The following SKOR2 variants were observed in gnomAD, a reference collection of about 807,000 sequenced individuals.
The protein encoded by SKOR2 is LBX1 corepressor 1-like protein.
Under a neutral mutation model 69.1 loss-of-function variants are expected in SKOR2, and 47 were observed. That is an observed-to-expected ratio of 0.68 (90% confidence interval 0.54 to 0.87). SKOR2 has a LOEUF of 0.87. SKOR2 is among the 40% of genes least tolerant of loss of function. The pLI, the probability that SKOR2 is intolerant of heterozygous loss-of-function variation, is 0.00. For missense variants in SKOR2, 1,404 were observed against 1,472.2 expected (o/e 0.95, Z 0.76); for synonymous variants, 717 against 672.6 (o/e 1.07, Z -1.02).
Position 47,235,805 on chromosome 18 carries a change from C to G in SKOR2, c.2753-4805G>C, listed in dbSNP as rs539199307. ...CAAAAAAAAAAAAAAAAAAAAACAG[C>G]CAACAGATTCAATAGCACTAGCTTT... On this transcript the variant is annotated intron_variant, in intron 4 of 8. Coordinates refer to ENST00000425639, the MANE Select transcript of SKOR2 (RefSeq NM_001278063.4). 4.5e-3 allele frequency among the ~76,000 whole-genome samples: 624 copies of G among 138,466 alleles called. 6 individuals are homozygous for G. Among genetic ancestry groups the G allele is most frequent in the African/African-American group, 0.017 (596 of 35,852 alleles). The allele number at this position is 138,466 out of a possible 152,430, so 90.8% of individuals were successfully genotyped here.
chr18:47,238,710 T>G (rs561227598), intron 4 of SKOR2, among the ~76,000 whole-genome samples: 25 of 152,336 alleles, frequency 1.6e-4, no homozygotes, highest in African/African-American at 5.8e-4. Flanking sequence ...AGAAAGGTAT[T>G]ATAATTTCGG....
chr18:47,234,864 G>GAAAAAAAAAAAAAAA (rs769601681), intron 4 of SKOR2, among the ~76,000 whole-genome samples: 1 of 109,090 alleles, frequency 9.2e-6, no homozygotes. Flanking sequence ...CCATCTCAGG[G>GAAAAAAAAAAAAAAA]AAAAAAAAAA....
intron 7 of SKOR2, among the ~76,000 whole-genome samples, chr18:47,216,312 A>C (rs2064143772): frequency 6.6e-6 from 1 of 152,212 alleles, no homozygotes; most frequent in South Asian, 2.1e-4. Flanking sequence ...CAAATGCTAT[A>C]AGCACTTAAA....
chr18:47,248,411 G>A lies in SKOR2; in HGVS notation c.773C>T (p.Ser258Phe). ...GGCGGCCACGGCGGCCGCCTTCACA[G>A]AGCTGAGCGGGTGGCAGGCGGGGTG... Reference protein sequence around the residue: ...GAHPACHPLSSVKAAAVAAAA... With the variant: ...GAHPACHPLSFVKAAAVAAAA... Residue 258 changes from serine to phenylalanine, a missense_variant, in exon 2 of 9, where the codon TCT becomes TTT. By Grantham distance (155) the Ser-to-Phe change is radical. This residue lies in a region of SKOR2 where 1,266 missense variants were observed against 1,309.9 expected (regional missense o/e 0.97). Transcript: ENST00000425639. This position sits in a 1 kb window ranked among gnomAD's most constrained non-coding sequence, Gnocchi z 6.4. 1 of 1,499,908 alleles carries A rather than the reference G, an allele frequency of 6.7e-7. No homozygotes were observed. The allele number at this position is 1,499,908 out of a possible 1,614,324, so 92.9% of individuals were successfully genotyped here. A position where few individuals can be genotyped will look rare whatever the true frequency, so the allele number is the denominator to read the frequency against.
At chr18:47,214,005 G>T (rs1600024075) in intron 7 of SKOR2, among the ~76,000 whole-genome samples, 1 of 152,184 alleles carries the variant, frequency 6.6e-6, no homozygotes, top group East Asian at 1.9e-4. Flanking sequence ...AACAAACAAT[G>T]TAAACTTTTG....
chr18:47,247,352 C>T lies in SKOR2; in HGVS notation c.1832G>A (p.Arg611His). ...APHHPHLLEG[R>H]KAGGGSYHHS... Reference sequence around the variant, plus strand: ...GTGGTAGCTGCCACCGCCCGCTTTGCGCCCCTCCAGAAGGTGCGGATGGTG... The same window carrying T: ...GTGGTAGCTGCCACCGCCCGCTTTGTGCCCCTCCAGAAGGTGCGGATGGTG... Residue 611 changes from arginine (R) to histidine (H), a missense_variant, in exon 2 of 9, where the codon CGC becomes CAC. Around this residue, in one of 3 missense-constraint regions of SKOR2, gnomAD observed 1,266 missense variants for 1,309.9 expected, o/e 0.97. Transcript: ENST00000425639. The surrounding 1 kb of genome is among the most constrained non-coding windows in gnomAD (Gnocchi z 6.6). The T allele has an allele frequency of 6.8e-7, 1 of 1,469,272 alleles. No individual in the cohort carries two copies. Among genetic ancestry groups the T allele is most frequent in the Admixed American group, 2.4e-5 (1 of 42,116 alleles). 91.0% of individuals were successfully genotyped at this position (1,469,272 alleles called of 1,614,324 possible). A position where few individuals can be genotyped will look rare whatever the true frequency, so the allele number is the denominator to read the frequency against.
chr18:47,245,038 CA>C (rs772223721), intron 3 of SKOR2, 56 bp from the exon 4 acceptor site: 2 of 1,427,652 alleles, frequency 1.4e-6, no homozygotes, highest in Non-Finnish European at 9.4e-7. Flanking sequence ...AAGAGGCACA[CA>C]AAGATCCAAT....
chr18:47,217,532 T>C (rs1460257909), intron 7 of SKOR2, among the ~76,000 whole-genome samples: 1 of 152,136 alleles, frequency 6.6e-6, no homozygotes, highest in Non-Finnish European at 1.5e-5. Flanking sequence ...AAAATAACAT[T>C]TGAGGAAACC....
Position 47,249,198 on chromosome 18 carries a change from C to T in SKOR2, c.-15G>A. On this transcript the variant is annotated 5_prime_UTR_variant, in exon 2 of 9. Transcript: ENST00000425639. ...CTGGAAGCCATCTCCGCCGCAGAAC[C>T]CCGGGCCGAGCCCTACAGGTCTGCC... is the stretch of plus-strand genomic sequence containing the variant. 1 of 1,531,294 alleles carries T rather than the reference C, an allele frequency of 6.5e-7. No individual in the cohort carries two copies. The highest frequency in any genetic ancestry group is 1.2e-5 in the South Asian group (1 of 83,098). 94.9% of individuals were successfully genotyped at this position (1,531,294 alleles called of 1,614,324 possible). A position where few individuals can be genotyped will look rare whatever the true frequency, so the allele number is the denominator to read the frequency against.
At chr18:47,212,051 G>A (rs931251563) in intron 8 of SKOR2, 35 bp downstream of exon 8, 5 of 1,230,478 alleles carry the variant, frequency 4.1e-6, no homozygotes, top group Non-Finnish European at 5.1e-6. Context: ...ACAATACAGA[G>A]AGTTAAGAAA....
At chr18:47,231,487 T>A (rs1371893597) in intron 4 of SKOR2, among the ~76,000 whole-genome samples, 2 of 151,978 alleles carry the variant, frequency 1.3e-5, no homozygotes, top group African/African-American at 2.4e-5. Context: ...TGAGGAGGCT[T>A]TGAGTTGTAA....
At chr18:47,213,178 G>T (rs1034598464) in intron 7 of SKOR2, among the ~76,000 whole-genome samples, 4 of 151,896 alleles carry the variant, frequency 2.6e-5, no homozygotes, top group African/African-American at 9.6e-5. Context: ...ACTAACCCCC[G>T]TTAAGGTGCT....
intron 6 of SKOR2, among the ~76,000 whole-genome samples, chr18:47,225,590 G>A (rs1176654585): frequency 6.6e-6 from 1 of 152,102 alleles, no homozygotes; most frequent in Non-Finnish European, 1.5e-5. Context: ...AGAGTAACAC[G>A]AGTGAAACAG....
At chr18:47,232,160 TA>T (rs1212371215) in intron 4 of SKOR2, among the ~76,000 whole-genome samples, 3 of 151,120 alleles carry the variant, frequency 2.0e-5, no homozygotes, top group Admixed American at 6.6e-5. Context: ...AAATAAAAAG[TA>T]AAAAAAAATT....
At position 47,246,559 on chromosome 18, in the gene SKOR2, G is replaced by T; in HGVS notation, c.2613+12C>A. The T allele has an allele frequency of 6.6e-7, 1 of 1,510,362 alleles. No homozygotes were observed. The highest frequency in any genetic ancestry group is 8.8e-7 in the Non-Finnish European group (1 of 1,137,426). 93.6% of individuals were successfully genotyped at this position (1,510,362 alleles called of 1,614,324 possible). A position where few individuals can be genotyped will look rare whatever the true frequency, so the allele number is the denominator to read the frequency against. On this transcript the variant is annotated intron_variant, in intron 2 of 8. Transcript: ENST00000425639. ...AATAATTAGCTTGAAGGAGCCTAAA[G>T]GGGATATTTACATCTTTGTAGGAGG...
At position 47,246,746 on chromosome 18, in the gene SKOR2, C is replaced by T; in HGVS notation, c.2438G>A (p.Gly813Asp). ...APAVAGAFPL[G>D]LNSSRLLQED... ...CTGCAGCAGCCTGGAGGAGTTCAGG[C>T]CGAGCGGGAACGCGCCCGCGACGGC... is the stretch of plus-strand genomic sequence containing the variant. Residue 813 changes from glycine to aspartate, a missense_variant, in exon 2 of 9, where the codon GGC (glycine) becomes GAC (aspartate). By Grantham distance (94) the Gly-to-Asp change is moderately conservative. Around this residue, in one of 3 missense-constraint regions of SKOR2, gnomAD observed 1,266 missense variants for 1,309.9 expected, o/e 0.97. Coordinates refer to ENST00000425639, the MANE Select transcript of SKOR2 (RefSeq NM_001278063.4). The T allele has an allele frequency of 1.4e-6, 2 of 1,411,630 alleles. No individual in the cohort carries two copies. Among genetic ancestry groups the T allele is most frequent in the Non-Finnish European group, 1.8e-6 (2 of 1,093,790 alleles). 87.4% of individuals were successfully genotyped at this position (1,411,630 alleles called of 1,614,324 possible). A position where few individuals can be genotyped will look rare whatever the true frequency, so the allele number is the denominator to read the frequency against.
Position 47,246,663 on chromosome 18 carries a change from G to A in SKOR2, c.2521C>T (p.Leu841=), listed in dbSNP as rs1398825886. ...SDLPPPPPPP[L]APQKASGGGS... is the part of the protein sequence containing the mutation. ...CCGCCACTCGCCTTCTGGGGGGCCA[G>A]GGGCGGCGGCGGGGGCGGGGGCAGG... The change falls in exon 2 of 9, where the codon CTG becomes TTG. Residue 841 remains leucine (L), a synonymous_variant. Coordinates refer to ENST00000425639, the MANE Select transcript of SKOR2 (RefSeq NM_001278063.4). The A allele has an allele frequency of 1.3e-6, 2 of 1,502,120 alleles. No individual in the cohort carries two copies. The highest frequency in any genetic ancestry group is 1.8e-6 in the Non-Finnish European group (2 of 1,133,922). The allele number at this position is 1,502,120 out of a possible 1,614,324, so 93.0% of individuals were successfully genotyped here.
At chr18:47,212,723 A>T (rs1333999511) in intron 7 of SKOR2, among the ~76,000 whole-genome samples, 1 of 152,206 alleles carries the variant, frequency 6.6e-6, no homozygotes, top group African/African-American at 2.4e-5. Context: ...CTGTAATCTC[A>T]GCACTTTGGG....
intron 6 of SKOR2, among the ~76,000 whole-genome samples, chr18:47,226,775 A>G (rs2064180207): frequency 6.6e-6 from 1 of 152,212 alleles, no homozygotes; most frequent in Non-Finnish European, 1.5e-5. Context: ...ATTTGTCACT[A>G]TGCTAAGCAC....
Sources: allele counts gnomAD v4.1 joint callset (sites outside exome capture counted in the v4.1 genomes callset), GRCh38; gene constraint gnomAD v4.1.1; regional missense constraint gnomAD v4.1.1; non-coding constraint Gnocchi (gnomAD v3.1); transcripts MANE v1.5; gene names NCBI Gene and HGNC (gene_info 2026-07-23, HGNC 2026-07-21).